ZNF544: variants seen among roughly 807,000 people sequenced by gnomAD.
The protein encoded by ZNF544 is zinc finger protein 544, also known as zinc finger protein AF020591.
Under a neutral mutation model 13.5 loss-of-function variants are expected in ZNF544, and 10 were observed. The ratio of observed to expected loss-of-function variants is 0.74; its 90% CI spans 0.46 to 1.25. The LOEUF is 1.25. ZNF544 is among the 50% of genes most tolerant of loss of function. The pLI is 0.00. For synonymous variants in ZNF544, 323 were observed against 300.5 expected, an observed-to-expected ratio of 1.07 and a Z score of -0.77; for missense variants, 896 against 845.6, an observed-to-expected ratio of 1.06 and a Z score of -0.74.
At position 58,261,013 on chromosome 19, in the gene ZNF544, A is replaced by T. The variant is rs529535181; in HGVS notation, c.407A>T (p.Gln136Leu). The T allele has an allele frequency of 6.2e-7, 1 of 1,614,130 alleles. No homozygotes were observed. Among genetic ancestry groups the T allele is most frequent in the Admixed American group, 1.7e-5 (1 of 60,006 alleles). Residue 136 changes from glutamine to leucine, a missense_variant, in exon 7 of 7, where the codon CAG becomes CTG. By Grantham distance (113) the Gln-to-Leu change is moderately radical (BLOSUM62 -2). Coordinates refer to ENST00000687789, the MANE Select transcript of ZNF544 (RefSeq NM_014480.4). ...CAGAGCAACCAGTTAAGGGAACACC[A>T]GGAGAACTCCTTGAGGTTCATGGTA... Reference protein sequence around the residue: ...QDQSNQLREHQENSLRFMVLT... With the variant: ...QDQSNQLREHLENSLRFMVLT...
At chr19:58,265,012 C>A (rs1745029187), downstream of ZNF544, among the ~76,000 whole-genome samples, 1 of 152,150 alleles carries the variant, frequency 6.6e-6, no homozygotes, top group Admixed American at 6.6e-5. Context: ...AACACTGTGT[C>A]TCCAAAAACA....
downstream of ZNF544, chr19:58,266,834 G>T (rs2049978875): frequency 6.6e-6 from 1 of 152,194 alleles, no homozygotes. Context: ...CTGCAGCAAG[G>T]GCTGCTTTAT....
intron 3 of ZNF544, among the ~76,000 whole-genome samples, chr19:58,240,454 T>A (rs891146013): frequency 1.3e-5 from 2 of 151,986 alleles, no homozygotes; most frequent in African/African-American, 4.8e-5. Flanking sequence ...AGATGGGGTT[T>A]CATCATGTTA....
intron 6 of ZNF544, among the ~76,000 whole-genome samples, chr19:58,256,090 G>T (rs2047276398): frequency 6.6e-6 from 1 of 152,184 alleles, no homozygotes; most frequent in Non-Finnish European, 1.5e-5. Context: ...GCATGCTTAT[G>T]TGCTGTCCAC....
Position 58,277,418 on chromosome 19 carries a change from G to A in ZNF544, c.*167G>A, listed in dbSNP as rs76801637. 8.0e-3 allele frequency: 3,470 copies of A among 431,874 alleles called. 31 individuals carry two copies. The highest frequency in any genetic ancestry group is 0.011 in the Non-Finnish European group (2,860 of 257,708). 26.8% of individuals were successfully genotyped at this position (431,874 alleles called of 1,614,324 possible). A position where few individuals can be genotyped will look rare whatever the true frequency, so the allele number is the denominator to read the frequency against. On this transcript the variant is annotated 3_prime_UTR_variant, in exon 7 of 7. Coordinates refer to the ZNF544 transcript ENST00000595981. ...CTCAGACTACACCATCAGCCCCATG[G>A]GGGTGAGCAAATAACAAGTAACTAT...
chr19:58,276,976 T>G (rs1001603896), intron 6 of ZNF544, among the ~76,000 whole-genome samples: 1 of 152,196 alleles, frequency 6.6e-6, no homozygotes, highest in African/African-American at 2.4e-5. Flanking sequence ...CAGAGGGGAC[T>G]TCCTTATTAT....
exon 7 of ZNF544, chr19:58,277,323 G>T: frequency 8.6e-7 from 1 of 1,159,990 alleles, no homozygotes; most frequent in Non-Finnish European, 1.1e-6. Flanking sequence ...CAGCTCCTCC[G>T]TCCCCACTGG....
intron 4 of ZNF544, among the ~76,000 whole-genome samples, chr19:58,244,607 C>T (rs943403877): frequency 3.3e-5 from 5 of 152,024 alleles, no homozygotes; most frequent in African/African-American, 9.7e-5. Flanking sequence ...GTAGGATCTC[C>T]CTCTATTGCC....
At chr19:58,244,333 C>T (rs901648240) in intron 4 of ZNF544, among the ~76,000 whole-genome samples, 6 of 151,822 alleles carry the variant, frequency 4.0e-5, no homozygotes, top group African/African-American at 1.5e-4. Context: ...GGTTGCTCCT[C>T]AGGCCCTTGA....
rs759475746 is a variant in ZNF544 at position 58,246,409 on chromosome 19, G to C, written c.142G>C (p.Glu48Gln). The C allele has an allele frequency of 3.7e-6, 6 of 1,614,054 alleles. No homozygotes were observed. Among genetic ancestry groups the C allele is most frequent in the Middle Eastern group, 1.7e-4 (1 of 6,060 alleles). ...LYREVTLETW[E>Q]HIVSLGLFLS... ...CCGAGAGGTGACACTGGAGACCTGG[G>C]AGCATATTGTCTCCCTGGGTAAGTG... The change falls in exon 5 of 7, where the codon GAG (glutamate) becomes CAG (glutamine). Residue 48 changes from glutamate (E) to glutamine (Q), a missense_variant. Coordinates refer to ENST00000687789, the MANE Select transcript of ZNF544 (RefSeq NM_014480.4).
chr19:58,231,305 C>T (rs947016290), intron 3 of ZNF544, among the ~76,000 whole-genome samples: 3 of 152,166 alleles, frequency 2.0e-5, no homozygotes, highest in South Asian at 2.1e-4. Flanking sequence ...TCCCCAGCCA[C>T]GAGGCCTCAG....
At chr19:58,256,389 AATGCTCAAAATTCTCTC>A (rs1355662644) in intron 6 of ZNF544, among the ~76,000 whole-genome samples, 1 of 152,090 alleles carries the variant, frequency 6.6e-6, no homozygotes, top group Non-Finnish European at 1.5e-5. Flanking sequence ...AGAGACGGCT[AATGCTCAAAATTCTCTC>A]GGCCTCGAGG....
At chr19:58,235,295 C>T (rs372781676) in intron 3 of ZNF544, among the ~76,000 whole-genome samples, 7 of 152,044 alleles carry the variant, frequency 4.6e-5, no homozygotes, top group South Asian at 2.1e-4. Flanking sequence ...AGAAAAGGTA[C>T]GGTAAAAATA....
At position 58,262,094 on chromosome 19, in the gene ZNF544, G is replaced by T; in HGVS notation, c.1488G>T (p.Gln496His). Residue 496 changes from glutamine (Q) to histidine (H), a missense_variant, in exon 7 of 7, where the codon CAG becomes CAT. Physicochemically the swap from Gln to His is conservative, Grantham distance 24 (BLOSUM62 0). Transcript: ENST00000687789. ...GAGAAAAACCCTTCAAATGTACTCA[G>T]TGTGGGAAATCTTTCAGCCAGAAGT... is the stretch of plus-strand genomic sequence containing the variant. ...HTGEKPFKCTQCGKSFSQKYD... is the reference protein window; with the variant it reads ...HTGEKPFKCTHCGKSFSQKYD... 1 of 1,611,350 alleles carries T rather than the reference G, an allele frequency of 6.2e-7. No homozygotes were observed. Among genetic ancestry groups the T allele is most frequent in the Non-Finnish European group, 8.5e-7 (1 of 1,179,588 alleles).
chr19:58,277,186 C>G (rs145351429), exon 7 of ZNF544: 1 of 1,231,656 alleles, frequency 8.1e-7, no homozygotes, highest in Non-Finnish European at 1.0e-6. Flanking sequence ...TTCTCAGGAA[C>G]GAGGCCCAGC....
At chr19:58,255,726 C>A (rs1208719495) in intron 6 of ZNF544, among the ~76,000 whole-genome samples, 1 of 152,218 alleles carries the variant, frequency 6.6e-6, no homozygotes, top group Non-Finnish European at 1.5e-5. Context: ...TTTAAGTCAC[C>A]TGAAATATGC....
chr19:58,276,823 T>G (rs1397901457), intron 6 of ZNF544, among the ~76,000 whole-genome samples: 2 of 152,220 alleles, frequency 1.3e-5, no homozygotes, highest in Non-Finnish European at 2.9e-5. Context: ...GGCTTTTATT[T>G]GTGATTCATG....
At chr19:58,274,429 C>T (rs957805921) in intron 5 of ZNF544, among the ~76,000 whole-genome samples, 1 of 152,136 alleles carries the variant, frequency 6.6e-6, no homozygotes, top group Non-Finnish European at 1.5e-5. Flanking sequence ...CAAAGTCAGA[C>T]ATCTACAAGC....
In ZNF544 at chr19:58,233,548, A is replaced by G. The variant is rs117230444; in HGVS notation, c.-60+3086A>G. Among the ~76,000 whole-genome samples the G allele has an allele frequency of 2.8e-3, 424 of 152,342 alleles. 3 individuals are homozygous for G. The highest frequency in any genetic ancestry group is 0.024 in the Middle Eastern group (7 of 294). ...AAAATAGAGTATAATAAATTATTTT[A>G]AGTATGGTGTCAAGGTAGGTTATAG... On this transcript the variant is annotated intron_variant, in intron 3 of 6. Coordinates refer to ENST00000687789, the MANE Select transcript of ZNF544 (RefSeq NM_014480.4).
Sources: allele counts gnomAD v4.1 joint callset (sites outside exome capture counted in the v4.1 genomes callset), GRCh38; gene constraint gnomAD v4.1.1; transcripts MANE v1.5; gene names NCBI Gene and HGNC (gene_info 2026-07-23, HGNC 2026-07-21).